Variants in GPR176 observed in about 807,000 individuals in gnomAD.
GPR176 encodes the protein G protein-coupled receptor 176.
In GPR176, 26 loss-of-function variants were observed where a neutral mutation model predicts 35.4. That is an observed-to-expected ratio of 0.74 (90% CI 0.54 to 1.02). The LOEUF is 1.02. GPR176 is among the 50% of genes least tolerant of loss of function. The pLI is 0.00. For missense variants in GPR176, 597 were observed against 665.3 expected (o/e 0.90, Z 1.13); for synonymous variants, 278 against 271.3 (o/e 1.02, Z -0.24).
At chr15:39,852,801 A>T (rs2030960637) in intron 1 of GPR176, among the ~76,000 whole-genome samples, 1 of 152,192 alleles carries the variant, frequency 6.6e-6, no homozygotes, top group Admixed American at 6.6e-5. Context: ...TGTCTTACTT[A>T]CCATTATATC....
chr15:39,913,378 C>A (rs2033629963), intron 1 of GPR176, among the ~76,000 whole-genome samples: 1 of 152,030 alleles, frequency 6.6e-6, no homozygotes, highest in Admixed American at 6.6e-5. Flanking sequence ...AACTCCATCT[C>A]TACAAAAAGT....
At chr15:39,883,259 A>G (rs1330965911) in intron 1 of GPR176, among the ~76,000 whole-genome samples, 1 of 152,198 alleles carries the variant, frequency 6.6e-6, no homozygotes, top group African/African-American at 2.4e-5. Context: ...AATAATGAAG[A>G]AGGAAAAAAC....
chr15:39,908,321 G>A (rs1283598475), intron 1 of GPR176, among the ~76,000 whole-genome samples: 1 of 152,212 alleles, frequency 6.6e-6, no homozygotes, highest in Non-Finnish European at 1.5e-5. Context: ...CTGGATTGCA[G>A]CTGCTGTTCT....
chr15:39,904,861 A>G (rs2033377004), intron 1 of GPR176, among the ~76,000 whole-genome samples: 1 of 152,212 alleles, frequency 6.6e-6, no homozygotes, highest in Non-Finnish European at 1.5e-5. Context: ...TTCAACAGAG[A>G]GGAGCTAGAA....
At position 39,801,029 on chromosome 15, in the gene GPR176, C is replaced by T. The variant is rs1015819001; in HGVS notation, c.*103G>A. ...GGCCCATATTGGAGGAATCAACTCA[C>T]ACTGAGTTGCAAGGAGATCATACAA... On this transcript the variant is annotated 3_prime_UTR_variant, in exon 3 of 3. Transcript: ENST00000561100. The T allele has an allele frequency of 1.0e-6, 1 of 958,764 alleles. No homozygotes were observed. The highest frequency in any genetic ancestry group is 1.6e-5 in the South Asian group (1 of 62,852). The allele number at this position is 958,764 out of a possible 1,614,324, so 59.4% of individuals were successfully genotyped here.
At chr15:39,917,175 T>C (rs1387284459) in intron 1 of GPR176, among the ~76,000 whole-genome samples, 1 of 151,442 alleles carries the variant, frequency 6.6e-6, no homozygotes, top group Non-Finnish European at 1.5e-5. Context: ...CCCAGCTACT[T>C]GGGAGGCTGA....
At chr15:39,848,430 GAGA>G (rs1228119919) in intron 1 of GPR176, among the ~76,000 whole-genome samples, 3 of 152,124 alleles carry the variant, frequency 2.0e-5, no homozygotes, top group Non-Finnish European at 4.4e-5. Flanking sequence ...TACAAGGAAA[GAGA>G]AGAATTCCAT....
chr15:39,914,396 C>T (rs1428977918), intron 1 of GPR176, among the ~76,000 whole-genome samples: 1 of 148,410 alleles, frequency 6.7e-6, no homozygotes, highest in Non-Finnish European at 1.5e-5. Flanking sequence ...TCACTGCAAC[C>T]TCTGCCTCCT....
intron 1 of GPR176, among the ~76,000 whole-genome samples, chr15:39,819,002 A>G (rs1900093954): frequency 6.6e-6 from 1 of 152,226 alleles, no homozygotes; most frequent in East Asian, 1.9e-4. Context: ...GAGCCTTGAA[A>G]TCATCAGCCC....
At chr15:39,872,911 CTGTGTGTGTG>C (rs6145533) in intron 1 of GPR176, among the ~76,000 whole-genome samples, 8,484 of 141,316 alleles carry the variant, frequency 0.06, 292 homozygotes, top group Middle Eastern at 0.072. Context: ...TCCAAAATAT[CTGTGTGTGTG>C]TGTGTGTGTG....
At chr15:39,906,901 T>C (rs915205138) in intron 1 of GPR176, among the ~76,000 whole-genome samples, 1 of 152,236 alleles carries the variant, frequency 6.6e-6, no homozygotes, top group African/African-American at 2.4e-5. Flanking sequence ...GTTCTAAATA[T>C]TGGGGACACA....
intron 1 of GPR176, among the ~76,000 whole-genome samples, chr15:39,918,871 A>T (rs946961005): frequency 3.3e-5 from 5 of 152,234 alleles, no homozygotes; most frequent in Admixed American, 1.3e-4. Flanking sequence ...TTTCCATAGA[A>T]ATTCACAAGT....
intron 1 of GPR176, among the ~76,000 whole-genome samples, chr15:39,876,491 T>C (rs1026750093): frequency 3.3e-5 from 5 of 152,110 alleles, no homozygotes; most frequent in East Asian, 1.9e-4. Context: ...CAAAGTGGTG[T>C]TCTACCAGTT....
At chr15:39,915,108 A>T (rs2033691961) in intron 1 of GPR176, among the ~76,000 whole-genome samples, 1 of 152,236 alleles carries the variant, frequency 6.6e-6, no homozygotes, top group African/African-American at 2.4e-5. Flanking sequence ...CATGCTCACT[A>T]CAGACCATTC....
At chr15:39,850,812 TAAA>T (rs916001656) in intron 1 of GPR176, among the ~76,000 whole-genome samples, 5 of 151,586 alleles carry the variant, frequency 3.3e-5, no homozygotes, top group African/African-American at 1.2e-4. Flanking sequence ...AATTTAAAAA[TAAA>T]AAAATCATCC....
At chr15:39,809,232 A>G (rs557885622) in intron 1 of GPR176, among the ~76,000 whole-genome samples, 1 of 152,256 alleles carries the variant, frequency 6.6e-6, no homozygotes, top group African/African-American at 2.4e-5. Context: ...AAATAGTCCT[A>G]TGTTCTTTCC....
At chr15:39,907,430 C>T (rs1398168755) in intron 1 of GPR176, among the ~76,000 whole-genome samples, 1 of 152,208 alleles carries the variant, frequency 6.6e-6, no homozygotes, top group East Asian at 1.9e-4. Flanking sequence ...CTCATTTCAC[C>T]CCCAAAGGAG....
intron 1 of GPR176, among the ~76,000 whole-genome samples, chr15:39,893,923 C>A (rs528376998): frequency 7.2e-6 from 1 of 137,984 alleles, no homozygotes; most frequent in East Asian, 2.3e-4. Context: ...CCCCCCCAAC[C>A]TCCCTCCCGG....
chr15:39,890,014 T>G (rs2032813661), intron 1 of GPR176, among the ~76,000 whole-genome samples: 1 of 152,164 alleles, frequency 6.6e-6, no homozygotes, highest in African/African-American at 2.4e-5. Context: ...ACTGGGAGTT[T>G]GAATGATGAT....
Sources: gnomAD v4.1 joint callset for allele counts (sites outside exome capture counted in the v4.1 genomes callset) on GRCh38, gnomAD v4.1.1 for gene constraint, MANE v1.5 for transcripts, NCBI Gene and HGNC (gene_info 2026-07-23, HGNC 2026-07-21) for gene names.